The following KAZN variants were observed in gnomAD, a reference collection of about 807,000 sequenced individuals.
KAZN encodes the protein kazrin, periplakin interacting protein.
KAZN carries 40 observed loss-of-function variants against 87.4 expected under a neutral mutation model. The observed-to-expected ratio is 0.46, with a 90% CI of 0.36 to 0.60. The LOEUF (loss-of-function observed/expected upper bound fraction) is 0.60, where lower values mean the gene tolerates loss of function less well. KAZN is among the 20% of genes least tolerant of loss of function. The pLI is 0.00. For synonymous variants in KAZN, 466 were observed against 458.3 expected (o/e 1.02, Z -0.22); for missense variants, 898 against 1,073.9 (o/e 0.84, Z 2.29).
intron 1 of KAZN, among the ~76,000 whole-genome samples, chr1:13,986,363 ATTCCT>A (rs1365174722): frequency 6.6e-6 from 1 of 152,230 alleles, no homozygotes; most frequent in Non-Finnish European, 1.5e-5. Context: ...TAATTTTCAC[ATTCCT>A]TAACTTGCTG....
intron 1 of KAZN, among the ~76,000 whole-genome samples, chr1:14,632,972 A>G (rs1009192035): frequency 1.3e-5 from 2 of 152,040 alleles, no homozygotes; most frequent in Non-Finnish European, 2.9e-5. Flanking sequence ...GCTAAAGTGC[A>G]GTGGCGCCAT....
intron 2 of KAZN, among the ~76,000 whole-genome samples, chr1:14,554,536 C>T (rs1257755088): frequency 6.6e-6 from 1 of 152,152 alleles, no homozygotes; most frequent in African/African-American, 2.4e-5. Context: ...CCTACATACG[C>T]GTCCCCTTTG....
intron 1 of KAZN, among the ~76,000 whole-genome samples, chr1:13,989,381 C>G (rs567476560): frequency 6.6e-6 from 1 of 152,220 alleles, no homozygotes; most frequent in Admixed American, 6.5e-5. Context: ...AGCCCTAAAC[C>G]TGGAGGGCTT....
chr1:15,009,407 A>G (rs1669360013), intron 2 of KAZN, among the ~76,000 whole-genome samples: 1 of 152,234 alleles, frequency 6.6e-6, no homozygotes, highest in East Asian at 1.9e-4. Flanking sequence ...CAGGAAGGCC[A>G]GGAGGGTTGC....
chr1:14,323,097 G>C (rs554779882), intron 2 of KAZN, among the ~76,000 whole-genome samples: 81 of 152,230 alleles, frequency 5.3e-4, no homozygotes, highest in African/African-American at 1.7e-3. Flanking sequence ...GAGGAAAATG[G>C]CCTCCGTGAT....
intron 1 of KAZN, among the ~76,000 whole-genome samples, chr1:14,789,533 A>G (rs775104170): frequency 6.6e-6 from 1 of 151,972 alleles, no homozygotes; most frequent in South Asian, 2.1e-4. Flanking sequence ...CGGGACACCC[A>G]CCAGTCGGGA....
chr1:14,055,306 A>G (rs892538724), intron 1 of KAZN, among the ~76,000 whole-genome samples: 1 of 152,226 alleles, frequency 6.6e-6, no homozygotes, highest in Non-Finnish European at 1.5e-5. Context: ...TACTCAATAA[A>G]TGTAAGTGGC....
chr1:14,817,297 A>G (rs764566622), intron 1 of KAZN, among the ~76,000 whole-genome samples: 4 of 152,220 alleles, frequency 2.6e-5, no homozygotes, highest in Non-Finnish European at 5.9e-5. Flanking sequence ...GGCCATATCT[A>G]AGACCCCAGA....
At chr1:14,359,583 C>A (rs1327714211) in intron 2 of KAZN, among the ~76,000 whole-genome samples, 1 of 152,142 alleles carries the variant, frequency 6.6e-6, no homozygotes, top group Non-Finnish European at 1.5e-5. Flanking sequence ...CTGGTTTTTC[C>A]TTTCCATATT....
At chr1:14,529,205 G>T (rs993715139) in intron 2 of KAZN, among the ~76,000 whole-genome samples, 1 of 152,300 alleles carries the variant, frequency 6.6e-6, no homozygotes, top group Admixed American at 6.5e-5. Flanking sequence ...TTGGGAGGTT[G>T]AGGCAGGAGA....
chr1:13,911,122 C>T (rs1243814601), intron 1 of KAZN, among the ~76,000 whole-genome samples: 4 of 152,170 alleles, frequency 2.6e-5, no homozygotes, highest in African/African-American at 7.2e-5. Context: ...CATCTCAGCT[C>T]ACTGCAACCT....
chr1:14,858,733 C>T (rs2103116), intron 1 of KAZN, among the ~76,000 whole-genome samples: 64,867 of 151,910 alleles, frequency 0.43, 15,864 homozygotes, highest in African/African-American at 0.66. Flanking sequence ...AGAGGCAGGT[C>T]GAAAAATACC....
intron 1 of KAZN, among the ~76,000 whole-genome samples, chr1:14,624,930 A>G (rs1679010229): frequency 6.6e-6 from 1 of 152,056 alleles, no homozygotes; most frequent in Non-Finnish European, 1.5e-5. Context: ...CATTACCAGA[A>G]ACTTCACCTG....
intron 2 of KAZN, among the ~76,000 whole-genome samples, chr1:14,463,659 C>T (rs1667966525): frequency 6.6e-6 from 1 of 152,144 alleles, no homozygotes; most frequent in Non-Finnish European, 1.5e-5. Flanking sequence ...AAATGATGTT[C>T]TGTAATCAAT....
intron 1 of KAZN, among the ~76,000 whole-genome samples, chr1:14,167,326 C>G (rs1645851918): frequency 6.6e-6 from 1 of 152,182 alleles, no homozygotes; most frequent in Non-Finnish European, 1.5e-5. Flanking sequence ...CCTCAACATC[C>G]CGAGCCTCTG....
chr1:14,898,955 G>T (rs1402840548), intron 1 of KAZN, among the ~76,000 whole-genome samples: 3 of 152,174 alleles, frequency 2.0e-5, no homozygotes, highest in Non-Finnish European at 1.5e-5. Flanking sequence ...GGCACAAAAA[G>T]CCTGTGAATG....
intron 2 of KAZN, among the ~76,000 whole-genome samples, chr1:14,182,972 T>C (rs1318105837): frequency 1.3e-5 from 2 of 152,142 alleles, no homozygotes; most frequent in Non-Finnish European, 2.9e-5. Context: ...TTGAACTTGG[T>C]TGGTATAATA....
At chr1:14,860,014 T>C (rs963745936) in intron 1 of KAZN, among the ~76,000 whole-genome samples, 3 of 152,174 alleles carry the variant, frequency 2.0e-5, no homozygotes, top group African/African-American at 7.2e-5. Context: ...ACCAGTCACT[T>C]TGAACAAGAG....
intron 1 of KAZN, among the ~76,000 whole-genome samples, chr1:14,106,716 A>G (rs1367744143): frequency 6.6e-6 from 1 of 152,150 alleles, no homozygotes; most frequent in Non-Finnish European, 1.5e-5. Context: ...TAAGTAGTAG[A>G]TTAGCCCAAA....
Sources: allele counts gnomAD v4.1 joint callset (sites outside exome capture counted in the v4.1 genomes callset), GRCh38; gene constraint gnomAD v4.1.1; transcripts MANE v1.5; gene names NCBI Gene and HGNC (gene_info 2026-07-23, HGNC 2026-07-21).